FRYL: variants seen among roughly 807,000 people sequenced by gnomAD.
The protein encoded by FRYL is protein furry homolog-like.
A neutral mutation model predicts 351.2 loss-of-function variants in FRYL; 150 were observed. That is an observed-to-expected ratio of 0.43 (90% CI 0.37 to 0.49). FRYL has a LOEUF of 0.49. Among genes scored for constraint, FRYL ranks in the 20% least tolerant of loss-of-function variants. The pLI, the probability that FRYL is intolerant of heterozygous loss-of-function variation, is 0.00. For missense variants in FRYL, 3,036 were observed against 3,619.3 expected (o/e 0.84, Z 4.13); for synonymous variants, 1,153 against 1,257.1 (o/e 0.92, Z 1.75).
rs150266139 is a variant in FRYL, at chr4:48,562,645, C to T, written c.3696+244G>A. Reference sequence around the variant, plus strand: ...ATTTATAAGTACCTTCATACACATACACACACATTATCATAAATAATCCTT... The same window carrying T: ...ATTTATAAGTACCTTCATACACATATACACACATTATCATAAATAATCCTT... On this transcript the variant is annotated intron_variant, in intron 32 of 63. Transcript: ENST00000358350. Among the ~76,000 whole-genome samples the T allele has an allele frequency of 3.0e-3, 454 of 152,268 alleles. 2 individuals are homozygous for T. Among genetic ancestry groups the T allele is most frequent in the Non-Finnish European group, 3.2e-3 (221 of 68,016 alleles).
At chr4:48,619,205 A>G (rs1228106891) in intron 7 of FRYL, 69 bp downstream of exon 7, 1 of 958,124 alleles carries the variant, frequency 1.0e-6, no homozygotes. Flanking sequence ...ATCTTAAAGT[A>G]ACTGAAACAC....
intron 7 of FRYL, among the ~76,000 whole-genome samples, chr4:48,614,809 T>G (rs1578360238): frequency 7.2e-6 from 1 of 139,460 alleles, no homozygotes; most frequent in African/African-American, 2.6e-5. Context: ...TGCCAAAAGT[T>G]TAATGCTTTT....
chr4:48,639,364 G>C lies in FRYL; in HGVS notation c.-80-4874C>G, dbSNP rs558138413. Among the ~76,000 whole-genome samples the C allele has an allele frequency of 3.9e-5, 6 of 152,118 alleles. No individual in the cohort carries two copies. The South Asian group carries it at 6.2e-4, about 16-fold the overall frequency. On this transcript the variant is annotated intron_variant, in intron 3 of 63. Transcript: ENST00000358350. Reference sequence around the variant, plus strand: ...TAACTGATCAATGGTATAGAATAGAGAGCCCAGAAATAGACCCACACAAAT... The same window carrying C: ...TAACTGATCAATGGTATAGAATAGACAGCCCAGAAATAGACCCACACAAAT...
At chr4:48,713,325 C>A (rs1411574598) in intron 1 of FRYL, among the ~76,000 whole-genome samples, 1 of 152,064 alleles carries the variant, frequency 6.6e-6, no homozygotes, top group African/African-American at 2.4e-5. Flanking sequence ...CACTGACTGG[C>A]AAATTGCATA....
intron 1 of FRYL, among the ~76,000 whole-genome samples, chr4:48,770,247 A>G (rs1265486544): frequency 6.6e-6 from 1 of 152,160 alleles, no homozygotes; most frequent in Non-Finnish European, 1.5e-5. Context: ...GCAACTTCCC[A>G]TGAGTCTATA....
Position 48,500,162 on chromosome 4 carries a change from G to T in FRYL, c.8651C>A (p.Ser2884Tyr). ...GTCAATTTCTTCGTTTTCGGAAGCG[G>T]ACTCAGCTTCTTTGAGGATACTTTC... is the stretch of plus-strand genomic sequence containing the variant. The part of the protein sequence containing the change: ...QLESILKEAE[S>Y]ASENEEIDIS... Residue 2884 changes from serine (S) to tyrosine (Y), a missense_variant, in exon 63 of 64, where the codon TCC becomes TAC. Ser to Tyr is a moderately radical substitution (Grantham distance 144). Coordinates refer to ENST00000358350, the MANE Select transcript of FRYL (RefSeq NM_015030.2). 6.2e-7 allele frequency: 1 copy of T among 1,605,706 alleles called. No individual in the cohort carries two copies. The highest frequency in any genetic ancestry group is 8.5e-7 in the Non-Finnish European group (1 of 1,178,414).
chr4:48,514,455 A>T (rs1452404794), intron 56 of FRYL, among the ~76,000 whole-genome samples: 3 of 152,206 alleles, frequency 2.0e-5, no homozygotes, highest in African/African-American at 7.2e-5. Flanking sequence ...TTATTATTCA[A>T]GTTAGTCCTT....
At chr4:48,670,919 T>C (rs1762549629) in intron 3 of FRYL, among the ~76,000 whole-genome samples, 1 of 152,218 alleles carries the variant, frequency 6.6e-6, no homozygotes, top group African/African-American at 2.4e-5. Context: ...GGAGTGATGA[T>C]ATCTCTTTGA....
intron 1 of FRYL, among the ~76,000 whole-genome samples, chr4:48,714,564 T>C (rs1040539525): frequency 6.7e-6 from 1 of 149,398 alleles, no homozygotes; most frequent in African/African-American, 2.4e-5. Context: ...CTCCCAAGAC[T>C]AAACCAGGAA....
At chr4:48,605,631 G>A in intron 11 of FRYL, 110 bp downstream of exon 11, 1 of 732,518 alleles carries the variant, frequency 1.4e-6, no homozygotes, top group South Asian at 1.6e-5. Flanking sequence ...GCCTTCCCAT[G>A]GCCACAGCTT....
At chr4:48,579,675 T>C (rs1050078076) in intron 22 of FRYL, among the ~76,000 whole-genome samples, 1 of 152,216 alleles carries the variant, frequency 6.6e-6, no homozygotes, top group Non-Finnish European at 1.5e-5. Context: ...ACTTGTTCAA[T>C]ATTTGAACTC....
rs372530061 is a variant in FRYL, at chr4:48,720,821, G to A, written c.-383-10123C>T. Among the ~76,000 whole-genome samples the A allele has an allele frequency of 1.8e-4, 28 of 152,206 alleles. 1 individual carries two copies. The South Asian group carries it at 4.4e-3, about 24-fold the overall frequency. On this transcript the variant is annotated intron_variant, in intron 1 of 63. Transcript: ENST00000358350. ...ATCTATGTTGTTATTTACTGTTTCC[G>A]TAAGAACTCCAAAACCACACAGGGA...
chr4:48,707,379 A>C (rs1767485031), intron 2 of FRYL, among the ~76,000 whole-genome samples: 1 of 152,224 alleles, frequency 6.6e-6, no homozygotes, highest in African/African-American at 2.4e-5. Flanking sequence ...AAATACTTAT[A>C]AATAAGATAC....
At chr4:48,704,718 G>A (rs1253033151) in intron 2 of FRYL, among the ~76,000 whole-genome samples, 2 of 152,130 alleles carry the variant, frequency 1.3e-5, no homozygotes, top group African/African-American at 4.8e-5. Flanking sequence ...GGAGGCTGAG[G>A]CAGGCGGATC....
At chr4:48,580,785 T>C in intron 22 of FRYL, 80 bp downstream of exon 22, 1 of 843,602 alleles carries the variant, frequency 1.2e-6, no homozygotes, top group South Asian at 1.5e-5. Context: ...TTATTTTATG[T>C]ATGCACATGT....
intron 2 of FRYL, among the ~76,000 whole-genome samples, chr4:48,706,537 A>C (rs917432651): frequency 1.3e-5 from 2 of 152,240 alleles, no homozygotes; most frequent in Non-Finnish European, 2.9e-5. Context: ...CATTTTGTAA[A>C]GATGAGAAAG....
chr4:48,704,131 T>C (rs750688442), intron 2 of FRYL, among the ~76,000 whole-genome samples: 1 of 152,058 alleles, frequency 6.6e-6, no homozygotes, highest in Non-Finnish European at 1.5e-5. Flanking sequence ...TGAAGCCAGT[T>C]GAAAGCAGAA....
intron 1 of FRYL, among the ~76,000 whole-genome samples, chr4:48,774,940 T>C (rs115864726): frequency 1.3e-5 from 2 of 152,244 alleles, no homozygotes; most frequent in Non-Finnish European, 2.9e-5. Context: ...AAGAATGTAT[T>C]ACTACTATGT....
intron 1 of FRYL, among the ~76,000 whole-genome samples, chr4:48,748,009 G>C (rs760701173): frequency 6.6e-6 from 1 of 152,182 alleles, no homozygotes; most frequent in Non-Finnish European, 1.5e-5. Flanking sequence ...ACTCTGGGAG[G>C]CTGAAGAGGG....
Sources: gnomAD v4.1 joint callset for allele counts (sites outside exome capture counted in the v4.1 genomes callset) on GRCh38, gnomAD v4.1.1 for gene constraint, MANE v1.5 for transcripts, NCBI Gene and HGNC (gene_info 2026-07-23, HGNC 2026-07-21) for gene names.